The following SUMF1 variants were observed in gnomAD, a reference collection of about 807,000 sequenced individuals.
SUMF1 encodes the protein formylglycine-generating enzyme.
Under a neutral mutation model 47.6 loss-of-function variants are expected in SUMF1, and 48 were observed. The observed-to-expected ratio is 1.01, with a 90% CI of 0.80 to 1.28. The LOEUF (loss-of-function observed/expected upper bound fraction) is 1.28, where lower values mean the gene tolerates loss of function less well. Among genes scored for constraint, SUMF1 ranks in the 50% most tolerant of loss-of-function variants. The pLI, the probability that SUMF1 is intolerant of heterozygous loss-of-function variation, is 0.00. For missense variants in SUMF1, 571 were observed against 485.4 expected, an observed-to-expected ratio of 1.18 and a Z score of -1.66; for synonymous variants, 230 against 192.1, an observed-to-expected ratio of 1.20 and a Z score of -1.63.
chr3:4,463,088 T>C (rs549966841), intron 1 of SUMF1, among the ~76,000 whole-genome samples: 1 of 152,224 alleles, frequency 6.6e-6, no homozygotes. Context: ...ACACAGGTCA[T>C]TCAAGAAATT....
intron 8 of SUMF1, among the ~76,000 whole-genome samples, chr3:4,149,931 A>G (rs1229175166): frequency 6.6e-6 from 1 of 152,106 alleles, no homozygotes; most frequent in East Asian, 1.9e-4. Flanking sequence ...TATTTATAAC[A>G]GTTGATTTCA....
chr3:4,149,915 G>C (rs987307873), intron 8 of SUMF1, among the ~76,000 whole-genome samples: 3 of 151,792 alleles, frequency 2.0e-5, no homozygotes, highest in African/African-American at 7.3e-5. Flanking sequence ...CACCTCAATG[G>C]GTACATATTT....
chr3:4,294,630 A>C (rs1217196119), intron 8 of SUMF1, among the ~76,000 whole-genome samples: 1 of 152,130 alleles, frequency 6.6e-6, no homozygotes, highest in African/African-American at 2.4e-5. Context: ...GGTGTGTCTG[A>C]CATTTTTTTC....
chr3:4,379,467 C>A (rs1051525954), intron 7 of SUMF1, among the ~76,000 whole-genome samples: 8 of 152,184 alleles, frequency 5.3e-5, no homozygotes, highest in African/African-American at 1.9e-4. Context: ...CAGGAAGGAT[C>A]TTCCCTTAGA....
At chr3:4,350,661 T>C (rs1699480691) in intron 8 of SUMF1, among the ~76,000 whole-genome samples, 2 of 152,096 alleles carry the variant, frequency 1.3e-5, no homozygotes, top group South Asian at 4.1e-4. Flanking sequence ...ATGAGATAAT[T>C]CTTAATTAAA....
At chr3:4,412,119 T>G (rs1371713385) in intron 6 of SUMF1, among the ~76,000 whole-genome samples, 1 of 152,174 alleles carries the variant, frequency 6.6e-6, no homozygotes, top group African/African-American at 2.4e-5. Flanking sequence ...GCTTCCAAAA[T>G]CAGCAATCAT....
chr3:4,413,924 C>T (rs1453127136), intron 6 of SUMF1, among the ~76,000 whole-genome samples: 1 of 150,580 alleles, frequency 6.6e-6, no homozygotes, highest in Non-Finnish European at 1.5e-5. Flanking sequence ...AGTGCAGTGG[C>T]CTGATCTTGG....
intron 8 of SUMF1, among the ~76,000 whole-genome samples, chr3:4,373,795 G>A (rs995303016): frequency 3.5e-4 from 29 of 83,954 alleles, no homozygotes; most frequent in Admixed American, 2.0e-3. Context: ...CATAATTTTT[G>A]CAAATCAAAT....
intron 8 of SUMF1, among the ~76,000 whole-genome samples, chr3:4,195,870 A>G (rs1695416076): frequency 6.6e-6 from 1 of 152,176 alleles, no homozygotes. Context: ...TATCTATGAA[A>G]AAACACCAAA....
chr3:4,087,431 G>A (rs73129133), intron 8 of SUMF1, among the ~76,000 whole-genome samples: 16,769 of 152,136 alleles, frequency 0.11, 1,782 homozygotes, highest in African/African-American at 0.26. Context: ...GTAACTTGCT[G>A]AGGGTCACCT....
intron 8 of SUMF1, among the ~76,000 whole-genome samples, chr3:4,317,887 G>C (rs959762879): frequency 3.3e-5 from 5 of 152,142 alleles, no homozygotes; most frequent in Non-Finnish European, 7.4e-5. Context: ...ACTGTCTGTA[G>C]GATGTGACCC....
chr3:4,140,704 C>A (rs972880884), intron 8 of SUMF1, among the ~76,000 whole-genome samples: 1 of 151,916 alleles, frequency 6.6e-6, no homozygotes, highest in Non-Finnish European at 1.5e-5. Flanking sequence ...TATTTCTCCC[C>A]AAAATCCCAA....
At chr3:4,386,182 G>C (rs547452784) in intron 7 of SUMF1, among the ~76,000 whole-genome samples, 3 of 152,100 alleles carry the variant, frequency 2.0e-5, no homozygotes, top group Non-Finnish European at 4.4e-5. Flanking sequence ...CTGGGATTTT[G>C]ATAGGAATTA....
At chr3:4,290,814 C>G (rs934048484) in intron 8 of SUMF1, among the ~76,000 whole-genome samples, 18 of 152,084 alleles carry the variant, frequency 1.2e-4, no homozygotes, top group African/African-American at 4.3e-4. Context: ...CAGTTCATAC[C>G]TACTCTCATC....
intron 8 of SUMF1, chr3:4,317,474 A>G (rs540961879): frequency 1.1e-5 from 5 of 466,434 alleles, no homozygotes; most frequent in East Asian, 3.8e-5. Flanking sequence ...CTTGAGTCCA[A>G]TTGTTCAGGA....
intron 8 of SUMF1, among the ~76,000 whole-genome samples, chr3:4,106,742 G>A (rs1395071676): frequency 6.6e-6 from 1 of 151,968 alleles, no homozygotes. Context: ...GGGTTTGCTG[G>A]TTTGAGGCAA....
chr3:4,133,104 T>A (rs1693830420), intron 8 of SUMF1, among the ~76,000 whole-genome samples: 1 of 152,172 alleles, frequency 6.6e-6, no homozygotes, highest in Non-Finnish European at 1.5e-5. Context: ...GAAAGAGGAC[T>A]GTAATTGTCA....
chr3:4,202,670 G>T (rs1358904365), intron 8 of SUMF1, among the ~76,000 whole-genome samples: 3 of 152,010 alleles, frequency 2.0e-5, no homozygotes, highest in African/African-American at 7.2e-5. Flanking sequence ...GATAGGGATT[G>T]CATTGAATCT....
chr3:4,320,469 G>A (rs933317134), intron 8 of SUMF1, among the ~76,000 whole-genome samples: 13 of 152,162 alleles, frequency 8.5e-5, no homozygotes, highest in South Asian at 4.1e-4. Context: ...TTACATACAT[G>A]CAAATGGAAG....
Sources: gnomAD v4.1 joint callset for allele counts (sites outside exome capture counted in the v4.1 genomes callset) on GRCh38, gnomAD v4.1.1 for gene constraint, MANE v1.5 for transcripts, NCBI Gene and HGNC (gene_info 2026-07-23, HGNC 2026-07-21) for gene names.